PRR5: variants seen among roughly 807,000 people sequenced by gnomAD.
PRR5 encodes the protein proline rich 5, also known as proline-rich protein 5.
A neutral mutation model predicts 30.6 loss-of-function variants in PRR5; 25 were observed. The ratio of observed to expected loss-of-function variants is 0.82; its 90% CI spans 0.60 to 1.14. The LOEUF is 1.14. Ranked by LOEUF, PRR5 falls within the 50% of genes most tolerant of loss-of-function variation. The pLI is 0.00. For synonymous variants in PRR5, 286 were observed against 247.1 expected (o/e 1.16, Z -1.48); for missense variants, 600 against 547.1 (o/e 1.10, Z -0.96).
chr22:44,669,483 C>T (rs1255188309), intron 1 of PRR5, among the ~76,000 whole-genome samples: 2 of 152,186 alleles, frequency 1.3e-5, no homozygotes, highest in East Asian at 1.9e-4. Flanking sequence ...AGGTCAGAAC[C>T]TGGGGAGACA....
chr22:44,675,795 A>ATTATTG (rs980600222), upstream of PRR5, among the ~76,000 whole-genome samples: 4 of 144,990 alleles, frequency 2.8e-5, no homozygotes, highest in Non-Finnish European at 6.0e-5. Context: ...TATTATTATT[A>ATTATTG]TTACTTAGGT....
chr22:44,671,436 G>A (rs1207040052), intron 1 of PRR5, among the ~76,000 whole-genome samples: 1 of 152,004 alleles, frequency 6.6e-6, no homozygotes, highest in Non-Finnish European at 1.5e-5. Flanking sequence ...TGGAAGTCTG[G>A]TGAGCATATT....
At chr22:44,722,980 A>C (rs570512077) in intron 2 of PRR5, among the ~76,000 whole-genome samples, 2 of 146,398 alleles carry the variant, frequency 1.4e-5, no homozygotes, top group South Asian at 4.6e-4. Flanking sequence ...TAATCTTTAA[A>C]AACTTTTCTT....
intron 1 of PRR5, among the ~76,000 whole-genome samples, chr22:44,702,959 C>G (rs1372537342): frequency 6.6e-6 from 1 of 152,198 alleles, no homozygotes; most frequent in Admixed American, 6.5e-5. Flanking sequence ...GGGAGGCTAA[C>G]GGAGCAGGAA....
chr22:44,724,864 C>T (rs1366606562), intron 2 of PRR5, among the ~76,000 whole-genome samples: 3 of 152,132 alleles, frequency 2.0e-5, no homozygotes, highest in Admixed American at 1.3e-4. Context: ...AGGAGGAGCC[C>T]GTGGCATCCG....
At chr22:44,718,190 C>CTATTTTTTT (rs1569096191) in intron 2 of PRR5, among the ~76,000 whole-genome samples, 2 of 70,322 alleles carry the variant, frequency 2.8e-5, no homozygotes, top group African/African-American at 1.1e-4. Context: ...GTTTTCATCT[C>CTATTTTTTT]TCTTTTTTTT....
upstream of PRR5, among the ~76,000 whole-genome samples, chr22:44,698,776 G>A (rs145455331): frequency 2.6e-5 from 4 of 152,340 alleles, no homozygotes; most frequent in East Asian, 5.8e-4. Flanking sequence ...TTGGCCGCAC[G>A]CAGTTTGGTT....
At chr22:44,704,684 CCA>C (rs1926906650) in intron 1 of PRR5, among the ~76,000 whole-genome samples, 1 of 152,020 alleles carries the variant, frequency 6.6e-6, no homozygotes, top group African/African-American at 2.4e-5. Context: ...ACTGACTTTG[CCA>C]CTCTCCTAGC....
chr22:44,675,497 T>C (rs1278609969), upstream of PRR5, among the ~76,000 whole-genome samples: 2 of 152,210 alleles, frequency 1.3e-5, no homozygotes, highest in African/African-American at 2.4e-5. Flanking sequence ...AGCTGCACAG[T>C]ATCTGTCCCA....
At chr22:44,710,135 C>G (rs1374265010) in intron 1 of PRR5, among the ~76,000 whole-genome samples, 1 of 152,132 alleles carries the variant, frequency 6.6e-6, no homozygotes, top group African/African-American at 2.4e-5. Context: ...TGTCCTCCCC[C>G]ATGGCCTGTT....
In PRR5 at chr22:44,736,891, G is replaced by A. The variant is rs764816049; in HGVS notation, c.811G>A (p.Ala271Thr). Reference sequence around the variant, plus strand: ...CGTGCAGGAGCACGAGGCGGAGGGCGCGGCGGCCGGCGGTACCAGCATCCG... The same window carrying A: ...CGTGCAGGAGCACGAGGCGGAGGGCACGGCGGCCGGCGGTACCAGCATCCG... The part of the protein sequence containing the change: ...NPVQEHEAEG[A>T]AAGGTSIRRH... Residue 271 changes from alanine to threonine, a missense_variant, in exon 8 of 8, where the codon GCG becomes ACG. Transcript: ENST00000336985. 1.1e-5 allele frequency: 17 copies of A among 1,608,652 alleles called. No individual in the cohort carries two copies. The highest frequency in any genetic ancestry group is 4.5e-5 in the East Asian group (2 of 44,842).
intron 1 of PRR5, among the ~76,000 whole-genome samples, chr22:44,678,392 G>A (rs1569062148): frequency 6.9e-6 from 1 of 145,398 alleles, no homozygotes; most frequent in Admixed American, 7.3e-5. Context: ...GCGCAATCTC[G>A]GCTCACTGCA....
At chr22:44,711,486 A>C (rs1391098858) in intron 1 of PRR5, among the ~76,000 whole-genome samples, 1 of 152,054 alleles carries the variant, frequency 6.6e-6, no homozygotes, top group Non-Finnish European at 1.5e-5. Context: ...CCCATGGTGT[A>C]GGGTCACCTC....
chr22:44,720,239 G>A (rs1278407857), intron 2 of PRR5, among the ~76,000 whole-genome samples: 1 of 152,260 alleles, frequency 6.6e-6, no homozygotes, highest in East Asian at 1.9e-4. Context: ...GTGCAGGCCA[G>A]AGGTGCTGTT....
intron 1 of PRR5, among the ~76,000 whole-genome samples, chr22:44,692,430 G>T (rs1313677760): frequency 1.7e-5 from 2 of 118,686 alleles, no homozygotes; most frequent in African/African-American, 3.3e-5. Flanking sequence ...CCTCCCGGGG[G>T]CTCCTCCTCC....
intron 1 of PRR5, among the ~76,000 whole-genome samples, chr22:44,695,567 A>G (rs1411020360): frequency 6.6e-6 from 1 of 151,680 alleles, no homozygotes; most frequent in Admixed American, 6.6e-5. Context: ...TCCTGGCTCT[A>G]TTTCTCAGGG....
chr22:44,675,604 CCCT>C (rs1266039243), upstream of PRR5, among the ~76,000 whole-genome samples: 2 of 152,108 alleles, frequency 1.3e-5, no homozygotes, highest in Non-Finnish European at 2.9e-5. Context: ...AGGGCTCTCA[CCCT>C]CCCTGCATCT....
chr22:44,702,719 C>T, intron 1 of PRR5, 111 bp downstream of exon 1: 33 of 1,216,068 alleles, frequency 2.7e-5, no homozygotes, highest in African/African-American at 4.7e-5. Flanking sequence ...CCGAAGGCGG[C>T]GCGGCGCTTC....
chr22:44,682,516 G>A (rs146087371), intron 1 of PRR5, among the ~76,000 whole-genome samples: 21 of 152,252 alleles, frequency 1.4e-4, no homozygotes, highest in African/African-American at 4.8e-4. Context: ...GACCCCCTGC[G>A]CCTCACACTC....
Sources: allele counts gnomAD v4.1 joint callset (sites outside exome capture counted in the v4.1 genomes callset), GRCh38; gene constraint gnomAD v4.1.1; transcripts MANE v1.5; gene names NCBI Gene and HGNC (gene_info 2026-07-23, HGNC 2026-07-21).